Variants in TJP2 observed in about 807,000 individuals in gnomAD.
TJP2 encodes tight junction protein 2.
TJP2 carries 91 observed loss-of-function variants against 133.1 expected under a neutral mutation model. The ratio of observed to expected loss-of-function variants is 0.68; its 90% CI spans 0.58 to 0.81. The LOEUF (loss-of-function observed/expected upper bound fraction) is 0.81. TJP2 is among the 40% of genes least tolerant of loss of function. TJP2 has a pLI of 0.00. For missense variants in TJP2, 1,541 were observed against 1,565.6 expected (o/e 0.98, Z 0.26); for synonymous variants, 592 against 583.4 (o/e 1.01, Z -0.21).
At chr9:69,214,532 A>G (rs973103853) in intron 2 of TJP2, among the ~76,000 whole-genome samples, 1 of 152,206 alleles carries the variant, frequency 6.6e-6, no homozygotes, top group Non-Finnish European at 1.5e-5. Context: ...TTTGCTTTTC[A>G]TGAGATCTCA....
chr9:69,197,124 C>T (rs1368715384), intron 1 of TJP2, among the ~76,000 whole-genome samples: 1 of 152,018 alleles, frequency 6.6e-6, no homozygotes, highest in Non-Finnish European at 1.5e-5. Flanking sequence ...GCCACCACAC[C>T]TGGCTAATTT....
At position 69,249,183 on chromosome 9, in the gene TJP2, T is replaced by C. The variant is rs138077897; in HGVS notation, c.2881-192T>C. 1.6e-4 allele frequency: 155 copies of C among 985,418 alleles called. No individual in the cohort carries two copies. In the African/African-American group the frequency reaches 2.6e-3, roughly 17 times the overall value. 61.0% of individuals were successfully genotyped at this position (985,418 alleles called of 1,614,324 possible). A position where few individuals can be genotyped will look rare whatever the true frequency, so the allele number is the denominator to read the frequency against. On this transcript the variant is annotated intron_variant, in intron 19 of 22. Transcript: ENST00000377245. ...TGCTTTAAAGGAAGAGACTCTACAT[T>C]GGATGCAGCCAGTTTTTAAAAATGT...
chr9:69,137,921 T>A (rs1822847989), intron 1 of TJP2, among the ~76,000 whole-genome samples: 2 of 152,188 alleles, frequency 1.3e-5, no homozygotes, highest in East Asian at 3.8e-4. Context: ...AATCCAGACA[T>A]CTTAAGATGC....
chr9:69,137,271 T>TTCTTTCTTTCTTTCTTTC (rs61042405), intron 1 of TJP2, among the ~76,000 whole-genome samples: 5 of 92,090 alleles, frequency 5.4e-5, no homozygotes, highest in African/African-American at 2.0e-4. Flanking sequence ...CTTTCTTTCT[T>TTCTTTCTTTCTTTCTTTC]TTTCTTTCTT....
intron 22 of TJP2, chr9:69,253,929 G>A: frequency 2.1e-6 from 1 of 481,560 alleles, no homozygotes; most frequent in Non-Finnish European, 3.8e-6. Flanking sequence ...ACTAGCCAGG[G>A]AGCTTAGGGG....
At position 69,237,729 on chromosome 9, in the gene TJP2, A is replaced by G. The variant is rs575314507; in HGVS notation, c.2180-149A>G. Reference sequence around the variant, plus strand: ...TAAATGGTGAGGATAGTGAAGGCATATTCTTCAGAACAGAGCCAAGCTGAA... The same window carrying G: ...TAAATGGTGAGGATAGTGAAGGCATGTTCTTCAGAACAGAGCCAAGCTGAA... On this transcript the variant is annotated intron_variant, in intron 14 of 22. Coordinates refer to ENST00000377245, the MANE Select transcript of TJP2 (RefSeq NM_004817.4). 18 of 666,004 alleles carry G rather than the reference A, an allele frequency of 2.7e-5. 1 individual carries two copies. The highest frequency in any genetic ancestry group is 2.3e-4 in the African/African-American group (13 of 55,352). 41.3% of individuals were successfully genotyped at this position (666,004 alleles called of 1,614,324 possible).
chr9:69,224,100 A>C (rs995738595), intron 5 of TJP2, among the ~76,000 whole-genome samples: 1 of 152,230 alleles, frequency 6.6e-6, no homozygotes, highest in African/African-American at 2.4e-5. Context: ...GTATTTAAAA[A>C]TATGCATAAC....
At chr9:69,162,393 A>G (rs550397308) in intron 2 of TJP2, among the ~76,000 whole-genome samples, 2 of 152,208 alleles carry the variant, frequency 1.3e-5, no homozygotes, top group Non-Finnish European at 2.9e-5. Context: ...ATTATCTTAC[A>G]TGTCTTACAA....
At chr9:69,250,996 T>C (rs1563962620) in intron 20 of TJP2, 39 bp from the exon 21 acceptor site, 1 of 1,586,962 alleles carries the variant, frequency 6.3e-7, no homozygotes. Flanking sequence ...AAAATAAACT[T>C]AAAAGCCCAG....
In TJP2 at chr9:69,240,975, G is replaced by A. The variant is rs372638039; in HGVS notation, c.2566+828G>A. 2.2e-4 allele frequency among the ~76,000 whole-genome samples: 34 copies of A among 152,258 alleles called. 2 individuals carry two copies. In the South Asian group the frequency reaches 7.1e-3, roughly 32 times the overall value. ...TTTATGGTTGACCTAATATAATGTTGAGAATTTGCCTAAATAGTCTGCAGT... is the reference window on the plus strand; with the variant it reads ...TTTATGGTTGACCTAATATAATGTTAAGAATTTGCCTAAATAGTCTGCAGT... On this transcript the variant is annotated intron_variant, in intron 17 of 22. Coordinates refer to ENST00000377245, the MANE Select transcript of TJP2 (RefSeq NM_004817.4).
chr9:69,246,769 G>T lies in TJP2; in HGVS notation c.2646G>T (p.Ala882=). 1.9e-6 allele frequency: 3 copies of T among 1,614,082 alleles called. No individual in the cohort carries two copies. Among genetic ancestry groups the T allele is most frequent in the East Asian group, 4.5e-5 (2 of 44,868 alleles). The change falls in exon 18 of 23, where the codon GCG becomes GCT. Residue 882 remains alanine (A), a synonymous_variant. Transcript: ENST00000377245. ...KDTIQHQQGE[A]VWVSEGKMEG... Reference sequence around the variant, plus strand: ...CTATTCAGCATCAGCAAGGAGAAGCGGTTTGGGTCTCTGAAGGAAAGGTAT... The same window carrying T: ...CTATTCAGCATCAGCAAGGAGAAGCTGTTTGGGTCTCTGAAGGAAAGGTAT...
In TJP2 at chr9:69,218,376, C is replaced by T. The variant is rs1185445778; in HGVS notation, c.342+17C>T. On this transcript the variant is annotated intron_variant, in intron 4 of 22. Coordinates refer to ENST00000377245, the MANE Select transcript of TJP2 (RefSeq NM_004817.4). The stretch of plus-strand genomic sequence containing the variant: ...GCTGCTATTGTAAGTACTGGGTTTG[C>T]TTTCAGCTTGCCTTAATAGCATTTT... 1.9e-6 allele frequency: 3 copies of T among 1,606,122 alleles called. No homozygotes were observed. In the African/African-American group the frequency reaches 4.0e-5, roughly 21 times the overall value.
At chr9:69,137,576 C>G (rs1316256117) in intron 1 of TJP2, among the ~76,000 whole-genome samples, 1 of 151,880 alleles carries the variant, frequency 6.6e-6, no homozygotes, top group Non-Finnish European at 1.5e-5. Context: ...GTTGCCCAGG[C>G]TGGTCTCGAA....
At chr9:69,179,455 T>C (rs1825327600) in intron 1 of TJP2, among the ~76,000 whole-genome samples, 1 of 152,158 alleles carries the variant, frequency 6.6e-6, no homozygotes, top group African/African-American at 2.4e-5. Context: ...AGTTACTGTA[T>C]GGGGGTGCAG....
chr9:69,154,626 TAAA>T (rs1333437187), intron 2 of TJP2, among the ~76,000 whole-genome samples: 3 of 139,118 alleles, frequency 2.2e-5, no homozygotes, highest in Non-Finnish European at 3.1e-5. Context: ...CTGTCTCCAT[TAAA>T]AAAAAAAAAA....
At chr9:69,223,062 C>G (rs1231328181) in intron 5 of TJP2, among the ~76,000 whole-genome samples, 1 of 64,382 alleles carries the variant, frequency 1.6e-5, no homozygotes, top group Non-Finnish European at 2.7e-5. Context: ...GAGCGAGACT[C>G]TGTCTTGAAA....
At chr9:69,144,029 G>C (rs1823114819) in intron 1 of TJP2, among the ~76,000 whole-genome samples, 2 of 151,992 alleles carry the variant, frequency 1.3e-5, no homozygotes, top group African/African-American at 2.4e-5. Flanking sequence ...TTGAGACAGA[G>C]TCTCTCTCTG....
intron 2 of TJP2, among the ~76,000 whole-genome samples, chr9:69,166,074 C>A (rs1824336618): frequency 6.6e-6 from 1 of 152,178 alleles, no homozygotes; most frequent in South Asian, 2.1e-4. Flanking sequence ...GCTTCTTAAT[C>A]CGTTCAGGCC....
At chr9:69,240,287 A>C in intron 17 of TJP2, 140 bp downstream of exon 17, 2 of 884,840 alleles carry the variant, frequency 2.3e-6, no homozygotes, top group Non-Finnish European at 3.5e-6. Context: ...ATCCTATAAA[A>C]TGGGATATTA....
Sources: allele counts gnomAD v4.1 joint callset (sites outside exome capture counted in the v4.1 genomes callset), GRCh38; gene constraint gnomAD v4.1.1; transcripts MANE v1.5; gene names NCBI Gene and HGNC (gene_info 2026-07-23, HGNC 2026-07-21).